NXPH1: variants seen among roughly 807,000 people sequenced by gnomAD.
NXPH1 encodes the protein neurexophilin 1.
In NXPH1, 5 loss-of-function variants were observed where a neutral mutation model predicts 23.7. That is an observed-to-expected ratio of 0.21 (90% CI 0.11 to 0.44). The LOEUF (loss-of-function observed/expected upper bound fraction) is 0.44. NXPH1 is among the 20% of genes least tolerant of loss of function. The pLI is 0.99. For missense variants in NXPH1, 324 were observed against 321.6 expected (o/e 1.01, Z -0.06); for synonymous variants, 144 against 122.2 (o/e 1.18, Z -1.18).
intron 2 of NXPH1, among the ~76,000 whole-genome samples, chr7:8,467,254 T>C (rs1816800931): frequency 6.6e-6 from 1 of 152,164 alleles, no homozygotes; most frequent in African/African-American, 2.4e-5. Flanking sequence ...AAAAGGTCAA[T>C]GTATTTTATA....
intron 2 of NXPH1, among the ~76,000 whole-genome samples, chr7:8,645,728 C>T (rs1202969525): frequency 1.3e-5 from 2 of 151,846 alleles, no homozygotes; most frequent in African/African-American, 4.8e-5. Flanking sequence ...TCCTTATATT[C>T]GAGTGATCCA....
chr7:8,469,998 A>G (rs565577013), intron 2 of NXPH1, among the ~76,000 whole-genome samples: 1 of 151,968 alleles, frequency 6.6e-6, no homozygotes, highest in Non-Finnish European at 1.5e-5. Flanking sequence ...TACTAAACTG[A>G]CCTCCAACTG....
chr7:8,636,535 G>A (rs541591337), intron 2 of NXPH1, among the ~76,000 whole-genome samples: 22 of 152,242 alleles, frequency 1.4e-4, no homozygotes, highest in South Asian at 8.3e-4. Flanking sequence ...AAAAAGGAAA[G>A]GGCAAACCAA....
chr7:8,440,307 C>T (rs1358242659), intron 2 of NXPH1, among the ~76,000 whole-genome samples: 2 of 152,202 alleles, frequency 1.3e-5, no homozygotes, highest in Non-Finnish European at 2.9e-5. Flanking sequence ...CTTTTCTGCC[C>T]CATTTCCAGA....
chr7:8,571,932 C>G (rs1162139268), intron 2 of NXPH1, among the ~76,000 whole-genome samples: 1 of 150,820 alleles, frequency 6.6e-6, no homozygotes, highest in Non-Finnish European at 1.5e-5. Flanking sequence ...ATTTAGATAT[C>G]TGAATTCACT....
chr7:8,696,553 C>A (rs2115186831), intron 2 of NXPH1, among the ~76,000 whole-genome samples: 1 of 152,224 alleles, frequency 6.6e-6, no homozygotes, highest in Admixed American at 6.5e-5. Flanking sequence ...TAAACGGACA[C>A]CTGAATGATA....
chr7:8,618,135 A>G (rs1241636600), intron 2 of NXPH1, among the ~76,000 whole-genome samples: 1 of 152,148 alleles, frequency 6.6e-6, no homozygotes, highest in African/African-American at 2.4e-5. Context: ...ATTTCTGTCC[A>G]ACCTACATCT....
At chr7:8,566,492 G>T (rs1818547970) in intron 2 of NXPH1, among the ~76,000 whole-genome samples, 1 of 151,748 alleles carries the variant, frequency 6.6e-6, no homozygotes, top group Admixed American at 6.6e-5. Context: ...CTACCTTAAA[G>T]TTGGGTAGGT....
At chr7:8,679,992 G>C (rs1268896639) in intron 2 of NXPH1, among the ~76,000 whole-genome samples, 1 of 152,256 alleles carries the variant, frequency 6.6e-6, no homozygotes, top group Non-Finnish European at 1.5e-5. Flanking sequence ...TTGCACTCCA[G>C]ACTGGGCAAC....
chr7:8,588,668 A>G (rs576656329), intron 2 of NXPH1, among the ~76,000 whole-genome samples: 42 of 152,182 alleles, frequency 2.8e-4, no homozygotes, highest in South Asian at 8.3e-4. Flanking sequence ...TAGGTGCCCA[A>G]TGGATTTTGA....
At chr7:8,520,315 G>T (rs1817749065) in intron 2 of NXPH1, among the ~76,000 whole-genome samples, 1 of 152,136 alleles carries the variant, frequency 6.6e-6, no homozygotes, top group African/African-American at 2.4e-5. Flanking sequence ...TTTTTAAGGG[G>T]AAAAGCAGCA....
At chr7:8,458,457 C>T (rs1005248940) in intron 2 of NXPH1, among the ~76,000 whole-genome samples, 5 of 152,148 alleles carry the variant, frequency 3.3e-5, no homozygotes, top group African/African-American at 1.2e-4. Context: ...GAATGTAGAG[C>T]TGAAAAGTAC....
chr7:8,587,118 A>G (rs1818994742), intron 2 of NXPH1, among the ~76,000 whole-genome samples: 1 of 152,174 alleles, frequency 6.6e-6, no homozygotes, highest in South Asian at 2.1e-4. Context: ...ATTCAAAATG[A>G]CATTTCATTT....
At chr7:8,669,747 A>G (rs1820837506) in intron 2 of NXPH1, among the ~76,000 whole-genome samples, 1 of 152,030 alleles carries the variant, frequency 6.6e-6, no homozygotes, top group African/African-American at 2.4e-5. Flanking sequence ...AGCAGAGAGT[A>G]TTTCTCCCCA....
chr7:8,462,764 C>G (rs1237651449), intron 2 of NXPH1, among the ~76,000 whole-genome samples: 1 of 152,296 alleles, frequency 6.6e-6, no homozygotes, highest in South Asian at 2.1e-4. Flanking sequence ...AAACAGAATA[C>G]TTGAGATGAA....
At position 8,727,530 on chromosome 7, in the gene NXPH1, G is replaced by A. The variant is rs1051099450; in HGVS notation, c.55-23478G>A. On this transcript the variant is annotated intron_variant, in intron 2 of 2. Transcript: ENST00000405863. ...GATTTTTGTATAAGGTGTAAGGAAG[G>A]GATCCAGTTTCAGCTTTCTACATAT... is the stretch of plus-strand genomic sequence containing the variant. Among the ~76,000 whole-genome samples, 26 of 151,582 alleles carry A rather than the reference G, an allele frequency of 1.7e-4. No individual in the cohort carries two copies. The South Asian group carries it at 4.6e-3, about 27-fold the overall frequency.
At chr7:8,525,723 C>G (rs942389002) in intron 2 of NXPH1, among the ~76,000 whole-genome samples, 9 of 152,192 alleles carry the variant, frequency 5.9e-5, no homozygotes, top group Admixed American at 5.2e-4. Context: ...GTGGAAGCCC[C>G]AAGCCTTGGC....
At chr7:8,697,986 T>C (rs182021002) in intron 2 of NXPH1, among the ~76,000 whole-genome samples, 5 of 152,302 alleles carry the variant, frequency 3.3e-5, no homozygotes, top group Admixed American at 1.3e-4. Flanking sequence ...CAGGAAATCA[T>C]TGGTGGATTT....
chr7:8,638,041 TA>T (rs1474928721), intron 2 of NXPH1, among the ~76,000 whole-genome samples: 1 of 152,000 alleles, frequency 6.6e-6, no homozygotes, highest in Non-Finnish European at 1.5e-5. Context: ...GAATTGAATA[TA>T]AAAATGGATG....
Sources: allele counts gnomAD v4.1 joint callset (sites outside exome capture counted in the v4.1 genomes callset), GRCh38; gene constraint gnomAD v4.1.1; transcripts MANE v1.5; gene names NCBI Gene and HGNC (gene_info 2026-07-23, HGNC 2026-07-21).